The following ANKRD17 variants were observed in gnomAD, a reference collection of about 807,000 sequenced individuals.
The protein encoded by ANKRD17 is ankyrin repeat domain-containing protein 17.
ANKRD17 carries 19 observed loss-of-function variants against 229.7 expected under a neutral mutation model. The ratio of observed to expected loss-of-function variants is 0.08; its 90% CI spans 0.06 to 0.12. The LOEUF is 0.12. ANKRD17 is among the 10% of genes least tolerant of loss of function. ANKRD17 has a pLI of 1.00. For missense variants in ANKRD17, 2,176 were observed against 3,176.8 expected (o/e 0.68, Z 7.57); for synonymous variants, 1,112 against 1,146.1 (o/e 0.97, Z 0.60).
At chr4:73,102,705 TAA>T in intron 24 of ANKRD17, 158 bp from the exon 25 acceptor site, 1 of 718,064 alleles carries the variant, frequency 1.4e-6, no homozygotes, top group Non-Finnish European at 2.2e-6. Flanking sequence ...CAAACCACTC[TAA>T]AGAGACAATA....
intron 3 of ANKRD17, among the ~76,000 whole-genome samples, chr4:73,157,361 C>T (rs1731802413): frequency 6.6e-6 from 1 of 151,906 alleles, no homozygotes; most frequent in Non-Finnish European, 1.5e-5. Context: ...GTTTCAAATC[C>T]AGGCAAAGAA....
At position 73,181,588 on chromosome 4, in the gene ANKRD17, TACC is replaced by T. The variant is rs1357829867; in HGVS notation, c.394-4058_394-4056del. On this transcript the variant is annotated intron_variant, in intron 1 of 33. Transcript: ENST00000358602. The stretch of plus-strand genomic sequence containing the variant: ...ATTATGGGCATACACCTCTCTGCCA[TACC>T]ACATCCCCAGCTGAGACAGTTCAGA... Among the ~76,000 whole-genome samples, 5 of 152,158 alleles carry T rather than the reference TACC, an allele frequency of 3.3e-5. No homozygotes were observed. In the East Asian group the frequency reaches 9.6e-4, roughly 29 times the overall value.
At chr4:73,136,630 T>A (rs1345383944) in intron 15 of ANKRD17, among the ~76,000 whole-genome samples, 1 of 152,098 alleles carries the variant, frequency 6.6e-6, no homozygotes, top group Non-Finnish European at 1.5e-5. Flanking sequence ...TATATTAAAT[T>A]GATAATCTAG....
chr4:73,195,761 C>T (rs887563671), intron 1 of ANKRD17, among the ~76,000 whole-genome samples: 7 of 152,172 alleles, frequency 4.6e-5, no homozygotes, highest in Non-Finnish European at 8.8e-5. Flanking sequence ...CCCACCTTGG[C>T]CTCCCAAAGT....
rs1249832887 is a variant in ANKRD17, at chr4:73,258,596, C to A, written c.73G>T (p.Ala25Ser). The A allele has an allele frequency of 6.8e-7, 1 of 1,473,158 alleles. No homozygotes were observed. The highest frequency in any genetic ancestry group is 2.5e-5 in the Admixed American group (1 of 39,724). 91.3% of individuals were successfully genotyped at this position (1,473,158 alleles called of 1,614,324 possible). Residue 25 changes from alanine to serine, a missense_variant, in exon 1 of 34, where the codon GCT becomes TCT. This residue lies in a region of ANKRD17 where 196 missense variants were observed against 190.0 expected (regional missense o/e 1.03). Coordinates refer to ENST00000358602, the MANE Select transcript of ANKRD17 (RefSeq NM_032217.5). ...EGEGSPPAVA[A>S]VAGPPAAAEV... Reference sequence around the variant, plus strand: ...GCCGCCGCGGGGGGGCCCGCCACAGCCGCCACCGCCGGGGGGCTCCCTTCT... The same window carrying A: ...GCCGCCGCGGGGGGGCCCGCCACAGACGCCACCGCCGGGGGGCTCCCTTCT...
chr4:73,249,715 G>A (rs980610478), intron 1 of ANKRD17, among the ~76,000 whole-genome samples: 1 of 152,222 alleles, frequency 6.6e-6, no homozygotes, highest in Non-Finnish European at 1.5e-5. Flanking sequence ...TTAGCCGGGC[G>A]TGGTGGCGCC....
intron 1 of ANKRD17, among the ~76,000 whole-genome samples, chr4:73,256,524 T>C (rs922350117): frequency 1.3e-5 from 2 of 152,236 alleles, no homozygotes; most frequent in African/African-American, 4.8e-5. Context: ...TTAAAAAGTG[T>C]ACAGGTCTGA....
At chr4:73,107,014 T>C (rs75837999) in intron 24 of ANKRD17, among the ~76,000 whole-genome samples, 3,099 of 151,900 alleles carry the variant, frequency 0.02, 69 homozygotes, top group Non-Finnish European at 0.029. Flanking sequence ...ATGCAAAATT[T>C]TGGGTGAGAA....
intron 1 of ANKRD17, among the ~76,000 whole-genome samples, chr4:73,235,710 T>C (rs920928977): frequency 9.9e-5 from 15 of 152,228 alleles, no homozygotes; most frequent in African/African-American, 3.6e-4. Flanking sequence ...CTATAAACTT[T>C]ATTTAGTACA....
At chr4:73,149,607 C>A (rs577494149) in intron 7 of ANKRD17, among the ~76,000 whole-genome samples, 1 of 152,246 alleles carries the variant, frequency 6.6e-6, no homozygotes, top group African/African-American at 2.4e-5. Context: ...TGGCTCACGC[C>A]TGTAATCTCA....
At chr4:73,078,613 T>A in intron 31 of ANKRD17, 29 bp downstream of exon 31, 3 of 1,597,652 alleles carry the variant, frequency 1.9e-6, no homozygotes, top group Non-Finnish European at 1.7e-6. Flanking sequence ...ATTAAGTTAA[T>A]TTCTAGAGAG....
chr4:73,117,369 C>A (rs1192387947), intron 22 of ANKRD17, among the ~76,000 whole-genome samples: 1 of 152,164 alleles, frequency 6.6e-6, no homozygotes, highest in Non-Finnish European at 1.5e-5. Context: ...GCTGTGAATA[C>A]CAAACTAAGA....
At chr4:73,189,416 T>TTG (rs1238294018) in intron 1 of ANKRD17, among the ~76,000 whole-genome samples, 3 of 147,134 alleles carry the variant, frequency 2.0e-5, no homozygotes, top group African/African-American at 7.5e-5. Context: ...TTTTTTTTTT[T>TTG]TTTTTTTGAA....
chr4:73,216,361 C>T (rs1741039177), intron 1 of ANKRD17, among the ~76,000 whole-genome samples: 1 of 151,822 alleles, frequency 6.6e-6, no homozygotes, highest in Non-Finnish European at 1.5e-5. Flanking sequence ...AGATATAACT[C>T]TCAGAAACAA....
chr4:73,248,197 A>G (rs184751718), intron 1 of ANKRD17, among the ~76,000 whole-genome samples: 1 of 151,964 alleles, frequency 6.6e-6, no homozygotes, highest in Non-Finnish European at 1.5e-5. Flanking sequence ...GTTGTCAAGG[A>G]CACTCTAGAA....
intron 1 of ANKRD17, among the ~76,000 whole-genome samples, chr4:73,228,480 A>G (rs977248858): frequency 6.6e-6 from 1 of 152,164 alleles, no homozygotes; most frequent in Non-Finnish European, 1.5e-5. Flanking sequence ...GAAAGCATTC[A>G]CGGTTTAAGA....
In ANKRD17 at chr4:73,098,103, C is replaced by G; in HGVS notation, c.4991G>C (p.Arg1664Thr). 2 of 1,605,440 alleles carry G rather than the reference C, an allele frequency of 1.2e-6. No individual in the cohort carries two copies. Residue 1664 changes from arginine to threonine, a missense_variant, in exon 26 of 34, where the codon AGA becomes ACA. Arg to Thr is a moderately conservative substitution (Grantham distance 71, BLOSUM62 -1). Around this residue, in one of 18 missense-constraint regions of ANKRD17, gnomAD observed 98 missense variants for 101.0 expected, o/e 0.97. Transcript: ENST00000358602. ...SVLVTFPKEE[R>T]KSVSGKASIK... is the part of the protein sequence containing the mutation. Reference sequence around the variant, plus strand: ...TGAAGCCTTGCCAGAAACAGATTTTCTCTCTTCCTTTGGAAATGTAACAAG... The same window carrying G: ...TGAAGCCTTGCCAGAAACAGATTTTGTCTCTTCCTTTGGAAATGTAACAAG...
intron 33 of ANKRD17, 26 bp from the exon 34 acceptor site, chr4:73,076,316 C>T (rs1432699956): frequency 6.5e-7 from 1 of 1,537,096 alleles, no homozygotes; most frequent in South Asian, 1.3e-5. Context: ...ATGCATTTTA[C>T]AAAATATATA....
intron 22 of ANKRD17, among the ~76,000 whole-genome samples, chr4:73,117,640 GA>G (rs948906233): frequency 6.6e-6 from 1 of 152,094 alleles, no homozygotes; most frequent in African/African-American, 2.4e-5. Context: ...GATAATAAGA[GA>G]AAAAGGAAGA....
Sources: allele counts gnomAD v4.1 joint callset (sites outside exome capture counted in the v4.1 genomes callset), GRCh38; gene constraint gnomAD v4.1.1; regional missense constraint gnomAD v4.1.1; transcripts MANE v1.5; gene names NCBI Gene and HGNC (gene_info 2026-07-23, HGNC 2026-07-21).